The following SNTG1 variants were observed in gnomAD, a reference collection of about 807,000 sequenced individuals.
The protein encoded by SNTG1 is gamma-1-syntrophin.
SNTG1 carries 39 observed loss-of-function variants against 74.7 expected under a neutral mutation model. The ratio of observed to expected loss-of-function variants is 0.52; its 90% CI spans 0.40 to 0.68. The LOEUF (loss-of-function observed/expected upper bound fraction) is 0.68, where lower values mean the gene tolerates loss of function less well. SNTG1 is among the 30% of genes least tolerant of loss of function. The pLI, the probability that SNTG1 is intolerant of heterozygous loss-of-function variation, is 0.00. For missense variants in SNTG1, 685 were observed against 609.5 expected, an observed-to-expected ratio of 1.12 and a Z score of -1.30; for synonymous variants, 254 against 217.1, an observed-to-expected ratio of 1.17 and a Z score of -1.49.
At chr8:50,693,009 G>A (rs1471020465) in intron 15 of SNTG1, among the ~76,000 whole-genome samples, 5 of 152,138 alleles carry the variant, frequency 3.3e-5, no homozygotes, top group Non-Finnish European at 7.3e-5. Context: ...GGACTGCTGT[G>A]TTAGCAATGA....
At chr8:50,055,362 T>C (rs1009214558) in intron 1 of SNTG1, among the ~76,000 whole-genome samples, 3 of 152,110 alleles carry the variant, frequency 2.0e-5, no homozygotes, top group Non-Finnish European at 4.4e-5. Flanking sequence ...TTGAAAAAAA[T>C]CCGGTGATCA....
chr8:50,199,817 C>A (rs2083919003), intron 2 of SNTG1, among the ~76,000 whole-genome samples: 2 of 152,116 alleles, frequency 1.3e-5, no homozygotes, highest in Admixed American at 1.3e-4. Flanking sequence ...ATACTTCTTG[C>A]ACGTGGTTTC....
intron 2 of SNTG1, among the ~76,000 whole-genome samples, chr8:50,235,636 G>A (rs918451913): frequency 6.6e-6 from 1 of 152,138 alleles, no homozygotes; most frequent in African/African-American, 2.4e-5. Context: ...TAAACTTGCT[G>A]GTTTATGGGG....
intron 2 of SNTG1, among the ~76,000 whole-genome samples, chr8:50,240,224 T>C (rs77654572): frequency 0.017 from 2,658 of 152,324 alleles, 69 homozygotes; most frequent in African/African-American, 0.051. Flanking sequence ...TTTTTGCTCC[T>C]GAAATGCAGG....
chr8:50,029,975 A>G (rs2130745992), intron 1 of SNTG1, among the ~76,000 whole-genome samples: 1 of 152,242 alleles, frequency 6.6e-6, no homozygotes, highest in African/African-American at 2.4e-5. Flanking sequence ...ACAGTGTATG[A>G]GGGTTCCCCA....
chr8:49,988,757 G>A (rs779419992), intron 1 of SNTG1, among the ~76,000 whole-genome samples: 22 of 151,910 alleles, frequency 1.4e-4, no homozygotes, highest in Non-Finnish European at 1.9e-4. Flanking sequence ...GCTTATTAAT[G>A]CATAGAACTT....
At chr8:50,025,658 A>T (rs1817203620) in intron 1 of SNTG1, among the ~76,000 whole-genome samples, 1 of 152,190 alleles carries the variant, frequency 6.6e-6, no homozygotes, top group Non-Finnish European at 1.5e-5. Flanking sequence ...CAAGATTTCA[A>T]ATGTTGAGGA....
At chr8:50,491,173 CCA>C (rs1015443094) in intron 8 of SNTG1, 14 of 152,506 alleles carry the variant, frequency 9.2e-5, no homozygotes, top group African/African-American at 3.4e-4. Flanking sequence ...CCCAAGCTCC[CCA>C]GAGTTTACAC....
intron 18 of SNTG1, among the ~76,000 whole-genome samples, chr8:50,770,043 C>T (rs1332754200): frequency 6.6e-6 from 1 of 151,914 alleles, no homozygotes; most frequent in Non-Finnish European, 1.5e-5. Context: ...CTTAGAAACC[C>T]ATAAAATAGA....
intron 2 of SNTG1, among the ~76,000 whole-genome samples, chr8:50,212,895 A>G (rs2084589850): frequency 6.6e-6 from 1 of 152,168 alleles, no homozygotes; most frequent in Non-Finnish European, 1.5e-5. Flanking sequence ...AGTTCTCAGA[A>G]CTATTCTGTG....
chr8:50,199,187 T>C (rs1207769982), intron 2 of SNTG1, among the ~76,000 whole-genome samples: 2 of 152,102 alleles, frequency 1.3e-5, no homozygotes, highest in East Asian at 3.9e-4. Flanking sequence ...AACTGTTGAA[T>C]GTTGAAACAC....
chr8:50,109,414 T>C (rs956063359), intron 1 of SNTG1, among the ~76,000 whole-genome samples: 1 of 151,974 alleles, frequency 6.6e-6, no homozygotes, highest in Non-Finnish European at 1.5e-5. Context: ...ATGCCAGGAG[T>C]CTAAGTCCAG....
At chr8:50,059,272 T>C (rs898895140) in intron 1 of SNTG1, among the ~76,000 whole-genome samples, 3 of 152,142 alleles carry the variant, frequency 2.0e-5, no homozygotes, top group South Asian at 2.1e-4. Context: ...ATCATTAAGA[T>C]TGCCAGATTG....
At chr8:50,107,826 C>G (rs1333907760) in intron 1 of SNTG1, among the ~76,000 whole-genome samples, 1 of 152,128 alleles carries the variant, frequency 6.6e-6, no homozygotes, top group Non-Finnish European at 1.5e-5. Flanking sequence ...GCTGGGATTA[C>G]AGGCATGAAC....
intron 13 of SNTG1, among the ~76,000 whole-genome samples, chr8:50,594,102 T>C (rs1176837606): frequency 6.6e-6 from 1 of 152,202 alleles, no homozygotes; most frequent in Non-Finnish European, 1.5e-5. Context: ...GGCGGGACAG[T>C]TGTCTTGCTG....
chr8:49,981,847 A>T (rs921681720), intron 1 of SNTG1, among the ~76,000 whole-genome samples: 1 of 152,184 alleles, frequency 6.6e-6, no homozygotes, highest in East Asian at 1.9e-4. Flanking sequence ...CTTTCAGAGT[A>T]TGTAGACTTT....
chr8:50,288,310 A>C (rs2088898691), intron 2 of SNTG1, among the ~76,000 whole-genome samples: 1 of 152,222 alleles, frequency 6.6e-6, no homozygotes, highest in South Asian at 2.1e-4. Context: ...AAAAAGAGAA[A>C]TACAACTAAC....
At chr8:49,957,939 A>G (rs1202774343) in intron 1 of SNTG1, among the ~76,000 whole-genome samples, 1 of 152,226 alleles carries the variant, frequency 6.6e-6, no homozygotes, top group Admixed American at 6.5e-5. Flanking sequence ...ATCTTAAAAA[A>G]TAAACAAATA....
At chr8:50,285,974 T>C (rs1460575996) in intron 2 of SNTG1, among the ~76,000 whole-genome samples, 2 of 152,220 alleles carry the variant, frequency 1.3e-5, no homozygotes, top group African/African-American at 2.4e-5. Context: ...TTCAATATTA[T>C]GTTTTCACAA....
Sources: gnomAD v4.1 joint callset for allele counts (sites outside exome capture counted in the v4.1 genomes callset) on GRCh38, gnomAD v4.1.1 for gene constraint, MANE v1.5 for transcripts, NCBI Gene and HGNC (gene_info 2026-07-23, HGNC 2026-07-21) for gene names.